The following PID1 variants were observed in gnomAD, a reference collection of about 807,000 sequenced individuals.
PID1 encodes the protein PTB-containing, cubilin and LRP1-interacting protein.
In PID1, 10 loss-of-function variants were observed where a neutral mutation model predicts 19.1. The ratio of observed to expected loss-of-function variants is 0.52; its 90% confidence interval spans 0.32 to 0.89. The LOEUF is 0.89. Among genes scored for constraint, PID1 ranks in the 40% least tolerant of loss-of-function variants. The pLI, the probability that PID1 is intolerant of heterozygous loss-of-function variation, is 0.03. For synonymous variants in PID1, 130 were observed against 116.0 expected (o/e 1.12, Z -0.78); for missense variants, 248 against 285.3 (o/e 0.87, Z 0.94).
At chr2:229,250,978 A>G (rs1250744450) in intron 1 of PID1, among the ~76,000 whole-genome samples, 1 of 152,220 alleles carries the variant, frequency 6.6e-6, no homozygotes, top group African/African-American at 2.4e-5. Context: ...GAAAGTAAAG[A>G]CTATGGGAAA....
At chr2:229,109,464 G>A (rs1695249890) in intron 2 of PID1, among the ~76,000 whole-genome samples, 2 of 152,224 alleles carry the variant, frequency 1.3e-5, no homozygotes, top group South Asian at 4.1e-4. Flanking sequence ...TCCCACATGG[G>A]CCAGTCCACA....
chr2:229,138,982 AG>A (rs1689917180), intron 2 of PID1, among the ~76,000 whole-genome samples: 2 of 42,642 alleles, frequency 4.7e-5, no homozygotes, highest in East Asian at 1.2e-3. Flanking sequence ...AAAAAATAGA[AG>A]AAAGAAAGAA....
Position 229,271,266 on chromosome 2 carries a change from GGCGCAGCTGCGAGAGGACT to G in PID1, c.-242_-224del, listed in dbSNP as rs1461596397. ...GGCACGGCCGCGCGCCGGCTGTCCTGGCGCAGCTGCGAGAGGACTGCGCAGCTCCGCCCGGGCCCGGCGA... is the reference window on the plus strand; with the variant it reads ...GGCACGGCCGCGCGCCGGCTGTCCTGGCGCAGCTCCGCCCGGGCCCGGCGA... On this transcript the variant is annotated 5_prime_UTR_variant, in exon 1 of 3. Transcript: ENST00000392055. 7.6e-6 allele frequency: 3 copies of G among 393,990 alleles called. No individual in the cohort carries two copies. The highest frequency in any genetic ancestry group is 6.5e-5 in the African/African-American group (3 of 46,202). 24.4% of individuals were successfully genotyped at this position (393,990 alleles called of 1,614,324 possible). A position where few individuals can be genotyped will look rare whatever the true frequency, so the allele number is the denominator to read the frequency against.
At chr2:229,253,361 A>T (rs1420258196) in intron 1 of PID1, among the ~76,000 whole-genome samples, 1 of 152,204 alleles carries the variant, frequency 6.6e-6, no homozygotes, top group Non-Finnish European at 1.5e-5. Flanking sequence ...TTTTCAGTGC[A>T]GCAATTTGGC....
intron 1 of PID1, among the ~76,000 whole-genome samples, chr2:229,211,183 G>C (rs909990640): frequency 6.6e-6 from 1 of 152,130 alleles, no homozygotes; most frequent in Non-Finnish European, 1.5e-5. Flanking sequence ...TGGTTTAGGG[G>C]AATTAAGTTG....
chr2:229,074,167 C>A (rs1317980315), intron 2 of PID1, among the ~76,000 whole-genome samples: 1 of 152,058 alleles, frequency 6.6e-6, no homozygotes, highest in Non-Finnish European at 1.5e-5. Flanking sequence ...GAAGACAGCA[C>A]AAGAAGCTTC....
chr2:229,256,114 T>C (rs767187020), intron 1 of PID1, among the ~76,000 whole-genome samples: 22 of 152,078 alleles, frequency 1.4e-4, no homozygotes, highest in Non-Finnish European at 2.2e-4. Flanking sequence ...TACATTGGTG[T>C]CCCCAATTCA....
At chr2:229,120,179 G>C (rs1206991891) in intron 2 of PID1, among the ~76,000 whole-genome samples, 2 of 152,104 alleles carry the variant, frequency 1.3e-5, no homozygotes, top group Non-Finnish European at 2.9e-5. Context: ...CAACACAGAT[G>C]TTAGGAATGG....
rs559699389 is a variant in PID1, at chr2:229,085,321, A to G, written c.178-59213T>C. On this transcript the variant is annotated intron_variant, in intron 2 of 2. Transcript: ENST00000392055. The stretch of plus-strand genomic sequence containing the variant: ...GATGTGACTCCCTTGGTCTTTCAAG[A>G]AGTCCATGAAAGATCTCATCAATTG... Among the ~76,000 whole-genome samples, 3 of 152,208 alleles carry G rather than the reference A, an allele frequency of 2.0e-5. No individual in the cohort carries two copies. The South Asian group carries it at 6.2e-4, about 32-fold the overall frequency.
intron 1 of PID1, among the ~76,000 whole-genome samples, chr2:229,216,059 T>C (rs545783268): frequency 1.2e-4 from 18 of 152,266 alleles, no homozygotes; most frequent in Admixed American, 3.3e-4. Flanking sequence ...TCCCCCTCAG[T>C]GACCCAAGCC....
At chr2:229,258,001 A>C (rs1252762964) in intron 1 of PID1, among the ~76,000 whole-genome samples, 1 of 152,238 alleles carries the variant, frequency 6.6e-6, no homozygotes, top group Non-Finnish European at 1.5e-5. Flanking sequence ...ACAAGAAGGC[A>C]GCCCAGCCAG....
At chr2:229,232,477 C>T (rs1220616076) in intron 1 of PID1, among the ~76,000 whole-genome samples, 2 of 142,190 alleles carry the variant, frequency 1.4e-5, no homozygotes, top group Non-Finnish European at 3.0e-5. Flanking sequence ...AAGGTCATCA[C>T]TTTGGCCATT....
At chr2:229,067,241 G>C (rs1694347178) in intron 2 of PID1, among the ~76,000 whole-genome samples, 1 of 152,058 alleles carries the variant, frequency 6.6e-6, no homozygotes, top group South Asian at 2.1e-4. Flanking sequence ...ATCTCCACCT[G>C]GTCTTGCCCT....
chr2:229,070,090 T>A lies in PID1; in HGVS notation c.178-43982A>T, dbSNP rs116799955. Among the ~76,000 whole-genome samples the A allele has an allele frequency of 9.2e-3, 1,394 of 152,340 alleles. 13 individuals carry two copies. The highest frequency in any genetic ancestry group is 0.032 in the African/African-American group (1,318 of 41,572). On this transcript the variant is annotated intron_variant, in intron 2 of 2. Transcript: ENST00000392055. ...GAAGCCAGCCCTGCTCTCAGTTTGATAGGATTTGCTGGAGACCACAGTATA... is the reference window on the plus strand; with the variant it reads ...GAAGCCAGCCCTGCTCTCAGTTTGAAAGGATTTGCTGGAGACCACAGTATA...
intron 1 of PID1, among the ~76,000 whole-genome samples, chr2:229,177,557 T>A (rs1186864173): frequency 6.6e-6 from 1 of 152,218 alleles, no homozygotes; most frequent in African/African-American, 2.4e-5. Flanking sequence ...CATGTCTGCC[T>A]TTCATCACTC....
At chr2:229,157,483 G>C (rs558884229) in intron 1 of PID1, among the ~76,000 whole-genome samples, 46 of 151,960 alleles carry the variant, frequency 3.0e-4, no homozygotes, top group African/African-American at 1.1e-3. Context: ...ATTCTGTAAG[G>C]AAAGTCTGAT....
At chr2:229,033,527 T>C (rs1339352276) in intron 2 of PID1, among the ~76,000 whole-genome samples, 2 of 151,486 alleles carry the variant, frequency 1.3e-5, no homozygotes, top group African/African-American at 2.4e-5. Flanking sequence ...CCAAGGCCTG[T>C]TGGAGGGTGG....
At chr2:229,261,312 A>G (rs1690457052) in intron 1 of PID1, among the ~76,000 whole-genome samples, 1 of 152,216 alleles carries the variant, frequency 6.6e-6, no homozygotes, top group Non-Finnish European at 1.5e-5. Flanking sequence ...AGGAACAAAT[A>G]CATTAAGCTA....
chr2:229,062,558 A>G (rs1694233165), intron 2 of PID1, among the ~76,000 whole-genome samples: 1 of 151,804 alleles, frequency 6.6e-6, no homozygotes, highest in Non-Finnish European at 1.5e-5. Context: ...ATTATTTTCT[A>G]TTCTTGTAGG....
Sources: gnomAD v4.1 joint callset for allele counts (sites outside exome capture counted in the v4.1 genomes callset) on GRCh38, gnomAD v4.1.1 for gene constraint, MANE v1.5 for transcripts, NCBI Gene and HGNC (gene_info 2026-07-23, HGNC 2026-07-21) for gene names.